SMCHD1: variants seen among roughly 807,000 people sequenced by gnomAD.
SMCHD1 encodes the protein structural maintenance of chromosomes flexible hinge domain-containing protein 1.
In SMCHD1, 78 loss-of-function variants were observed where a neutral mutation model predicts 254.7. That is an observed-to-expected ratio of 0.31 (90% CI 0.26 to 0.37). The LOEUF (loss-of-function observed/expected upper bound fraction) is 0.37, where lower values mean the gene tolerates loss of function less well. SMCHD1 is among the 10% of genes least tolerant of loss of function. The pLI, the probability that SMCHD1 is intolerant of heterozygous loss-of-function variation, is 1.00. For synonymous variants in SMCHD1, 766 were observed against 794.9 expected, an observed-to-expected ratio of 0.96 and a Z score of 0.61; for missense variants, 1,840 against 2,408.1, an observed-to-expected ratio of 0.76 and a Z score of 4.94.
chr18:2,688,607 A>G, intron 6 of SMCHD1, 21 bp from the exon 7 acceptor site: 2 of 1,558,054 alleles, frequency 1.3e-6, no homozygotes, highest in Non-Finnish European at 1.7e-6. Context: ...TTTAAAAAGT[A>G]CTCTTTTTAA....
At position 2,690,424 on chromosome 18, in the gene SMCHD1, A is replaced by AT. The variant is rs1030526386; in HGVS notation, c.873+1684dup. On this transcript the variant is annotated intron_variant, in intron 7 of 47. Transcript: ENST00000320876. Reference sequence around the variant, plus strand: ...GCATAACATCTTACCTGAATTACAGATTTTTTTCTTAGGTTAGATTGTTAT... The same window carrying AT: ...GCATAACATCTTACCTGAATTACAGATTTTTTTTCTTAGGTTAGATTGTTAT... 6.1e-4 allele frequency among the ~76,000 whole-genome samples: 93 copies of AT among 152,192 alleles called. 1 individual carries two copies. The highest frequency in any genetic ancestry group is 5.6e-3 in the Admixed American group (86 of 15,286).
At chr18:2,706,684 ATAT>A in intron 15 of SMCHD1, 1 of 406,966 alleles carries the variant, frequency 2.5e-6, no homozygotes, top group East Asian at 4.2e-5. Context: ...AGGAAATCTT[ATAT>A]ATCTAAAGTG....
chr18:2,752,573 T>C, intron 34 of SMCHD1, 21 bp downstream of exon 34: 1 of 1,451,666 alleles, frequency 6.9e-7, no homozygotes, highest in Non-Finnish European at 9.7e-7. Flanking sequence ...AAACATTTCA[T>C]ATTTTGAATA....
At chr18:2,752,397 G>A (rs2075591963) in intron 33 of SMCHD1, 91 bp from the exon 34 acceptor site, 1 of 778,318 alleles carries the variant, frequency 1.3e-6, no homozygotes, top group Non-Finnish European at 2.3e-6. Flanking sequence ...TACACATTCA[G>A]TTTAGGTATA....
intron 1 of SMCHD1, among the ~76,000 whole-genome samples, chr18:2,661,901 A>G (rs866362314): frequency 6.9e-4 from 105 of 151,984 alleles, no homozygotes; most frequent in Middle Eastern, 6.8e-3. Flanking sequence ...TCACGCCTGT[A>G]ATCCCAGCAC....
chr18:2,675,674 A>G (rs1026084285), intron 5 of SMCHD1, among the ~76,000 whole-genome samples: 1 of 152,162 alleles, frequency 6.6e-6, no homozygotes, highest in Non-Finnish European at 1.5e-5. Flanking sequence ...TAGTGTGAGG[A>G]TAGGATTTAG....
intron 1 of SMCHD1, among the ~76,000 whole-genome samples, chr18:2,659,697 A>G (rs1244393779): frequency 6.8e-6 from 1 of 148,146 alleles, no homozygotes; most frequent in Admixed American, 6.8e-5. Context: ...TTGTGCGGCT[A>G]TTCTAGGTGT....
chr18:2,784,363 TA>T, intron 44 of SMCHD1, 86 bp from the exon 45 acceptor site: 1 of 1,164,368 alleles, frequency 8.6e-7, no homozygotes, highest in Non-Finnish European at 1.2e-6. Flanking sequence ...CTGTCATTTC[TA>T]ATCTCAGAAA....
At position 2,804,763 on chromosome 18, in the gene SMCHD1, A is replaced by G. The variant is rs1362322093; in HGVS notation, c.*2211A>G. 1 of 152,248 alleles carries G rather than the reference A, an allele frequency of 6.6e-6. No homozygotes were observed. Among genetic ancestry groups the G allele is most frequent in the Non-Finnish European group, 1.5e-5 (1 of 68,042 alleles). 9.4% of individuals were successfully genotyped at this position (152,248 alleles called of 1,614,324 possible). A position where few individuals can be genotyped will look rare whatever the true frequency, so the allele number is the denominator to read the frequency against. ...ATAATAAATTGCTTTTGTGTTTAAT[A>G]TGTAACACGTAAGAACAATTGAAAT... On this transcript the variant is annotated 3_prime_UTR_variant, in exon 48 of 48. Transcript: ENST00000320876.
At chr18:2,781,358 A>G (rs779486813) in intron 44 of SMCHD1, among the ~76,000 whole-genome samples, 2 of 152,264 alleles carry the variant, frequency 1.3e-5, no homozygotes, top group Middle Eastern at 3.2e-3. Context: ...ATGTGTATTC[A>G]TACTACTTGG....
intron 41 of SMCHD1, 29 bp from the exon 42 acceptor site, chr18:2,775,705 T>C (rs771332419): frequency 1.3e-6 from 2 of 1,572,866 alleles, no homozygotes; most frequent in Admixed American, 3.7e-5. Context: ...GGATTTTATA[T>C]TTTTTTACTT....
chr18:2,771,719 T>C (rs2075987804), intron 40 of SMCHD1, 101 bp downstream of exon 40: 1 of 951,884 alleles, frequency 1.1e-6, no homozygotes, highest in Non-Finnish European at 1.5e-6. Context: ...ATTGTTGTTT[T>C]AGGGTACAAA....
chr18:2,758,202 T>C (rs1236486651), intron 34 of SMCHD1, among the ~76,000 whole-genome samples: 2 of 152,200 alleles, frequency 1.3e-5, no homozygotes, highest in Admixed American at 6.5e-5. Context: ...GTTTTCTGTA[T>C]GATCTAACTG....
At position 2,802,557 on chromosome 18, in the gene SMCHD1, T is replaced by G; in HGVS notation, c.*5T>G. 2 of 1,552,146 alleles carry G rather than the reference T, an allele frequency of 1.3e-6. No individual in the cohort carries two copies. Among genetic ancestry groups the G allele is most frequent in the Non-Finnish European group, 1.7e-6 (2 of 1,147,250 alleles). ...ATAACCAAAACAGATGTATGAGAGGTGACAGAGAGAAGAGGCCATTGGTCT... is the reference window on the plus strand; with the variant it reads ...ATAACCAAAACAGATGTATGAGAGGGGACAGAGAGAAGAGGCCATTGGTCT... On this transcript the variant is annotated 3_prime_UTR_variant, in exon 48 of 48. Coordinates refer to ENST00000320876, the MANE Select transcript of SMCHD1 (RefSeq NM_015295.3).
intron 19 of SMCHD1, among the ~76,000 whole-genome samples, chr18:2,721,429 T>G (rs143804072): frequency 1.9e-4 from 29 of 152,294 alleles, no homozygotes; most frequent in African/African-American, 6.7e-4. Context: ...AAATCTACTG[T>G]GTTCTTTTAA....
At chr18:2,778,757 T>C (rs748794797) in intron 44 of SMCHD1, among the ~76,000 whole-genome samples, 3 of 152,166 alleles carry the variant, frequency 2.0e-5, no homozygotes, top group Non-Finnish European at 4.4e-5. Flanking sequence ...TCCCCCTGTC[T>C]CTTCACATCT....
Position 2,750,065 on chromosome 18 carries a change from A to C in SMCHD1, c.3950A>C (p.His1317Pro), listed in dbSNP as rs2143616515. 1.3e-6 allele frequency: 2 copies of C among 1,572,144 alleles called. No homozygotes were observed. Among genetic ancestry groups the C allele is most frequent in the Non-Finnish European group, 8.6e-7 (1 of 1,156,848 alleles). Reference sequence around the variant, plus strand: ...TAGCTCATGCCTTCAAACCAACAGCATAAAACAGATGAGAAAGGCAGGGCT... The same window carrying C: ...TAGCTCATGCCTTCAAACCAACAGCCTAAAACAGATGAGAAAGGCAGGGCT... ...NLKLMPSNQQ[H>P]KTDEKGRANL... is the part of the protein sequence containing the mutation. The change falls in exon 31 of 48, where the codon CAT becomes CCT. Residue 1317 changes from histidine (H) to proline (P), a missense_variant. Physicochemically the swap from His to Pro is moderately conservative, Grantham distance 77 (BLOSUM62 -2). Transcript: ENST00000320876.
intron 45 of SMCHD1, among the ~76,000 whole-genome samples, chr18:2,793,075 G>A (rs978045214): frequency 2.6e-5 from 4 of 152,052 alleles, no homozygotes; most frequent in African/African-American, 4.8e-5. Flanking sequence ...AAGTTTCTTC[G>A]AATTATGTGG....
rs763025314 is a variant in SMCHD1 at position 2,739,489 on chromosome 18, A to G, written c.3483A>G (p.Val1161=). ...LKCEMKGGKT[V]QMGQELQGEV... The stretch of plus-strand genomic sequence containing the variant: ...GTGAAATGAAAGGAGGAAAAACAGT[A>G]CAGATGGGCCAAGAGCTTCAAGGAG... The change falls in exon 27 of 48, where the codon GTA becomes GTG. Residue 1161 remains valine (V), a synonymous_variant. Transcript: ENST00000320876. The G allele has an allele frequency of 6.2e-7, 1 of 1,613,352 alleles. No individual in the cohort carries two copies. The highest frequency in any genetic ancestry group is 1.1e-5 in the South Asian group (1 of 91,078).
Sources: gnomAD v4.1 joint callset for allele counts (sites outside exome capture counted in the v4.1 genomes callset) on GRCh38, gnomAD v4.1.1 for gene constraint, MANE v1.5 for transcripts, NCBI Gene and HGNC (gene_info 2026-07-23, HGNC 2026-07-21) for gene names.